Variants in CNTNAP2 observed in about 807,000 individuals in gnomAD.
CNTNAP2 encodes contactin associated protein 2, also known as contactin-associated protein-like 2.
CNTNAP2 carries 98 observed loss-of-function variants against 155.2 expected under a neutral mutation model. The ratio of observed to expected loss-of-function variants is 0.63; its 90% confidence interval spans 0.54 to 0.75. The LOEUF (loss-of-function observed/expected upper bound fraction) is 0.75. Ranked by LOEUF, CNTNAP2 falls within the 30% of genes least tolerant of loss-of-function variation. The probability of loss-of-function intolerance (pLI) is 0.00; values close to 1 mark genes in which losing one functional copy is unlikely to be tolerated. For synonymous variants in CNTNAP2, 651 were observed against 631.2 expected (o/e 1.03, Z -0.47); for missense variants, 1,727 against 1,688.1 (o/e 1.02, Z -0.40).
In CNTNAP2 at chr7:147,524,810, G is replaced by A. The variant is rs571599172; in HGVS notation, c.1778-37328G>A. Among the ~76,000 whole-genome samples, 21 of 152,288 alleles carry A rather than the reference G, an allele frequency of 1.4e-4. No individual in the cohort carries two copies. In the East Asian group the frequency reaches 3.7e-3, roughly 27 times the overall value. ...ACCAGAGAATGGAGTAAAAACAAAG[G>A]GAAGGGAGAGAAACCACAGCTCTAG... is the stretch of plus-strand genomic sequence containing the variant. On this transcript the variant is annotated intron_variant, in intron 11 of 23. Coordinates refer to ENST00000361727, the MANE Select transcript of CNTNAP2 (RefSeq NM_014141.6).
chr7:146,319,329 T>C (rs113863229), intron 1 of CNTNAP2, among the ~76,000 whole-genome samples: 2,710 of 152,272 alleles, frequency 0.018, 69 homozygotes, highest in African/African-American at 0.061. Flanking sequence ...CTTGTCATAA[T>C]TACACATTGA....
intron 3 of CNTNAP2, among the ~76,000 whole-genome samples, chr7:146,888,351 T>A (rs1215866168): frequency 6.6e-6 from 1 of 152,134 alleles, no homozygotes; most frequent in Non-Finnish European, 1.5e-5. Context: ...GGCTAACAAA[T>A]TAATTTTACC....
At chr7:146,551,754 T>C (rs940209210) in intron 1 of CNTNAP2, among the ~76,000 whole-genome samples, 7 of 152,130 alleles carry the variant, frequency 4.6e-5, no homozygotes, top group Non-Finnish European at 1.0e-4. Context: ...GTCCAGCTCC[T>C]GAGCAAGCTT....
At chr7:148,231,660 G>A (rs1795964009) in intron 20 of CNTNAP2, among the ~76,000 whole-genome samples, 1 of 152,010 alleles carries the variant, frequency 6.6e-6, no homozygotes, top group African/African-American at 2.4e-5. Flanking sequence ...AGGAGTACTG[G>A]GCTCATGTCT....
intron 8 of CNTNAP2, among the ~76,000 whole-genome samples, chr7:147,177,225 C>T (rs1238402594): frequency 1.3e-5 from 2 of 151,914 alleles, no homozygotes; most frequent in Admixed American, 6.6e-5. Context: ...TCTGTGTCTT[C>T]ACCCAAATCT....
chr7:147,823,919 G>C (rs560744370), intron 13 of CNTNAP2, among the ~76,000 whole-genome samples: 30 of 152,208 alleles, frequency 2.0e-4, no homozygotes, highest in Non-Finnish European at 2.8e-4. Flanking sequence ...AAATAAAGCA[G>C]CAAATAACTC....
chr7:146,983,954 T>C (rs775536138), intron 3 of CNTNAP2, among the ~76,000 whole-genome samples: 20 of 152,240 alleles, frequency 1.3e-4, no homozygotes, highest in Non-Finnish European at 2.2e-4. Context: ...CATTGTGTTT[T>C]ACCAAATACA....
chr7:147,911,346 C>T (rs560230701), intron 14 of CNTNAP2, among the ~76,000 whole-genome samples: 1 of 152,270 alleles, frequency 6.6e-6, no homozygotes, highest in South Asian at 2.1e-4. Flanking sequence ...AAGGCCAGCA[C>T]AGATGTTACG....
intron 9 of CNTNAP2, among the ~76,000 whole-genome samples, chr7:147,376,659 C>T (rs767763563): frequency 4.6e-5 from 7 of 151,824 alleles, no homozygotes; most frequent in Non-Finnish European, 7.4e-5. Context: ...AATAATTTCA[C>T]GTGTATTTAC....
At chr7:147,806,495 G>A (rs190812633) in intron 13 of CNTNAP2, among the ~76,000 whole-genome samples, 194 of 152,176 alleles carry the variant, frequency 1.3e-3, no homozygotes, top group African/African-American at 4.4e-3. Flanking sequence ...TCCCACTGCT[G>A]AATATATATA....
intron 14 of CNTNAP2, among the ~76,000 whole-genome samples, chr7:147,908,206 A>T (rs565803549): frequency 6.6e-6 from 1 of 152,320 alleles, no homozygotes; most frequent in Non-Finnish European, 1.5e-5. Flanking sequence ...CCACATGCAG[A>T]TGTTATGAAA....
intron 12 of CNTNAP2, among the ~76,000 whole-genome samples, chr7:147,564,185 A>T (rs973172331): frequency 1.3e-5 from 2 of 152,168 alleles, no homozygotes; most frequent in African/African-American, 4.8e-5. Context: ...TCAAAATAGA[A>T]ATAAAAAAAT....
intron 3 of CNTNAP2, among the ~76,000 whole-genome samples, chr7:147,007,622 G>T (rs1798548157): frequency 6.6e-6 from 1 of 151,666 alleles, no homozygotes; most frequent in Non-Finnish European, 1.5e-5. Context: ...GTGTAAGTAA[G>T]AAAAAAGCCA....
At chr7:146,854,514 G>T (rs1794938768) in intron 3 of CNTNAP2, among the ~76,000 whole-genome samples, 1 of 152,114 alleles carries the variant, frequency 6.6e-6, no homozygotes, top group Non-Finnish European at 1.5e-5. Flanking sequence ...AAAGATAATT[G>T]TGGGAGAAAA....
intron 1 of CNTNAP2, among the ~76,000 whole-genome samples, chr7:146,324,582 T>C (rs1162228372): frequency 2.6e-5 from 4 of 152,192 alleles, no homozygotes; most frequent in Non-Finnish European, 5.9e-5. Flanking sequence ...ATTCCTGACA[T>C]CTTTCAGTCA....
intron 3 of CNTNAP2, among the ~76,000 whole-genome samples, chr7:146,895,998 G>C (rs1218626096): frequency 1.3e-5 from 2 of 152,088 alleles, no homozygotes; most frequent in East Asian, 3.8e-4. Context: ...AGTCAAGTAA[G>C]AGTTTTGGAT....
intron 1 of CNTNAP2, among the ~76,000 whole-genome samples, chr7:146,721,218 CTA>C (rs1220667858): frequency 1.5e-5 from 2 of 131,604 alleles, no homozygotes; most frequent in African/African-American, 2.8e-5. Flanking sequence ...TATATATTCT[CTA>C]TATATATTCT....
At position 147,747,849 on chromosome 7, in the gene CNTNAP2, G is replaced by C. The variant is rs147002730; in HGVS notation, c.2098+108543G>C. ...ATCAGTCTGGGACAACTTAAAGTCT[G>C]CAGTGGCTTTAAGGAGATTTCCTTG... On this transcript the variant is annotated intron_variant, in intron 13 of 23. Coordinates refer to ENST00000361727, the MANE Select transcript of CNTNAP2 (RefSeq NM_014141.6). 1.9e-3 allele frequency among the ~76,000 whole-genome samples: 283 copies of C among 152,292 alleles called. 4 individuals carry two copies. Among genetic ancestry groups the C allele is most frequent in the Non-Finnish European group, 6.6e-4 (45 of 68,022 alleles).
In CNTNAP2 at chr7:147,983,433, C is replaced by CA. The variant is rs763628321; in HGVS notation, c.2383+5454dup. Among the ~76,000 whole-genome samples the CA allele has an allele frequency of 2.7e-3, 386 of 142,142 alleles. 7 individuals are homozygous for CA. The East Asian group carries it at 0.035, about 13-fold the overall frequency. The allele number at this position is 142,142 out of a possible 152,430, so 93.3% of individuals were successfully genotyped here. ...ATCCCTTAATAGGTGATACTGTTGA[C>CA]AAAAAAAAAATAAAAATAAAAATAA... is the stretch of plus-strand genomic sequence containing the variant. On this transcript the variant is annotated intron_variant, in intron 15 of 23. Coordinates refer to ENST00000361727, the MANE Select transcript of CNTNAP2 (RefSeq NM_014141.6).
Sources: gnomAD v4.1 joint callset for allele counts (sites outside exome capture counted in the v4.1 genomes callset) on GRCh38, gnomAD v4.1.1 for gene constraint, MANE v1.5 for transcripts, NCBI Gene and HGNC (gene_info 2026-07-23, HGNC 2026-07-21) for gene names.